Variants in GLIS3 observed in about 807,000 individuals in gnomAD.
GLIS3 encodes GLIS family zinc finger 3.
Under a neutral mutation model 78.6 loss-of-function variants are expected in GLIS3, and 53 were observed. That is an observed-to-expected ratio of 0.67 (90% CI 0.54 to 0.85). The LOEUF (loss-of-function observed/expected upper bound fraction) is 0.85, where lower values mean the gene tolerates loss of function less well. GLIS3 is among the 40% of genes least tolerant of loss of function. The pLI, the probability that GLIS3 is intolerant of heterozygous loss-of-function variation, is 0.00. For missense variants in GLIS3, 1,703 were observed against 1,231.1 expected (o/e 1.38, Z -5.74); for synonymous variants, 684 against 509.9 (o/e 1.34, Z -4.60).
intron 2 of GLIS3, among the ~76,000 whole-genome samples, chr9:4,195,392 G>A (rs10974385): frequency 0.26 from 40,016 of 152,156 alleles, 6,682 homozygotes; most frequent in South Asian, 0.48. Flanking sequence ...CACACTCGGA[G>A]AGGCCAGCCG....
At chr9:4,215,307 TGAGAG>T (rs1426748036) in intron 2 of GLIS3, among the ~76,000 whole-genome samples, 1 of 146,752 alleles carries the variant, frequency 6.8e-6, no homozygotes, top group Non-Finnish European at 1.5e-5. Flanking sequence ...AGGGGAGAGA[TGAGAG>T]GAGTGTGTGT....
chr9:4,040,253 T>C (rs978037122), intron 4 of GLIS3, among the ~76,000 whole-genome samples: 2 of 150,328 alleles, frequency 1.3e-5, no homozygotes, highest in Non-Finnish European at 2.9e-5. Flanking sequence ...TTAAATAATA[T>C]GTCTGAATTA....
At position 4,220,849 on chromosome 9, in the gene GLIS3, G is replaced by A. The variant is rs115796563; in HGVS notation, c.388+65189C>T. Among the ~76,000 whole-genome samples, 800 of 152,206 alleles carry A rather than the reference G, an allele frequency of 5.3e-3. 15 individuals carry two copies. Among genetic ancestry groups the A allele is most frequent in the African/African-American group, 0.019 (775 of 41,520 alleles). On this transcript the variant is annotated intron_variant, in intron 2 of 10. Coordinates refer to ENST00000381971, the MANE Select transcript of GLIS3 (RefSeq NM_001042413.2). ...ATGTGTCTCAAATTAACCAGGCATG[G>A]AGGTATGGACCTGTAATCCCAGCTA...
intron 4 of GLIS3, among the ~76,000 whole-genome samples, chr9:3,959,972 T>A (rs928511030): frequency 6.6e-6 from 1 of 152,122 alleles, no homozygotes; most frequent in African/African-American, 2.4e-5. Context: ...GCCAACATGG[T>A]GAAACCTCAT....
the GLIS3 span, among the ~76,000 whole-genome samples, chr9:4,381,169 A>G: frequency 2.0e-5 from 3 of 152,230 alleles, no homozygotes; most frequent in Admixed American, 6.5e-5. Context: ...TTTTAAGAAA[A>G]TGACATACAA....
intron 9 of GLIS3, among the ~76,000 whole-genome samples, chr9:3,833,454 C>A (rs903520958): frequency 1.3e-5 from 2 of 152,176 alleles, no homozygotes; most frequent in Non-Finnish European, 2.9e-5. Flanking sequence ...TTGGATTTCA[C>A]ATAGCAAATT....
intron 2 of GLIS3, among the ~76,000 whole-genome samples, chr9:4,131,065 G>GA (rs1564094766): frequency 1.3e-5 from 2 of 152,164 alleles, no homozygotes; most frequent in African/African-American, 4.8e-5. Flanking sequence ...ACTGCCCTAG[G>GA]GGGGGTTGGG....
intron 4 of GLIS3, among the ~76,000 whole-genome samples, chr9:3,983,799 CTGT>C (rs1345497366): frequency 6.6e-6 from 1 of 152,108 alleles, no homozygotes; most frequent in Non-Finnish European, 1.5e-5. Context: ...GACTTGGGTG[CTGT>C]TAAGGGCATT....
intron 6 of GLIS3, among the ~76,000 whole-genome samples, chr9:3,910,466 C>T (rs949942903): frequency 3.3e-5 from 5 of 152,234 alleles, no homozygotes; most frequent in Non-Finnish European, 7.3e-5. Context: ...CCTCTTGCTT[C>T]AGCCTCCTAA....
Position 4,118,491 on chromosome 9 carries a change from G to C in GLIS3, c.987C>G (p.Ala329=), listed in dbSNP as rs771033004. 6 of 1,614,074 alleles carry C rather than the reference G, an allele frequency of 3.7e-6. No homozygotes were observed. Among genetic ancestry groups the C allele is most frequent in the Non-Finnish European group, 5.1e-6 (6 of 1,180,036 alleles). ...IIRTSPTSLV[A]YINGSRASPA... is the part of the protein sequence containing the mutation. The stretch of plus-strand genomic sequence containing the variant: ...GCGAAGCCCTCGACCCGTTGATGTA[G>C]GCCACCAAGGACGTGGGCGACGTGC... The change falls in exon 4 of 11, where the codon GCC becomes GCG. Residue 329 remains alanine (A), a synonymous_variant. Transcript: ENST00000381971. The surrounding 1 kb of genome is among the most constrained non-coding windows in gnomAD (Gnocchi z 4.7).
intron 9 of GLIS3, among the ~76,000 whole-genome samples, chr9:3,836,940 A>C (rs533799263): frequency 5.9e-5 from 9 of 152,354 alleles, no homozygotes; most frequent in Admixed American, 3.3e-4. Context: ...AATGAAGGAC[A>C]ACAATCCTGG....
chr9:3,903,587 G>C (rs1449718405), intron 6 of GLIS3, among the ~76,000 whole-genome samples: 1 of 152,112 alleles, frequency 6.6e-6, no homozygotes, highest in Non-Finnish European at 1.5e-5. Flanking sequence ...TCATTCATTT[G>C]TCGAACAAAT....
the GLIS3 span, among the ~76,000 whole-genome samples, chr9:4,421,033 A>G: frequency 1.8e-4 from 27 of 152,228 alleles, no homozygotes; most frequent in African/African-American, 6.3e-4. Flanking sequence ...CACTGCTGAC[A>G]TATTAAGAAT....
rs556479965 is a variant in GLIS3, at chr9:4,206,419, A to T, written c.388+79619T>A. Among the ~76,000 whole-genome samples the T allele has an allele frequency of 4.7e-4, 71 of 152,342 alleles. No individual in the cohort carries two copies. In the South Asian group the frequency reaches 0.015, roughly 31 times the overall value. On this transcript the variant is annotated intron_variant, in intron 2 of 10. Transcript: ENST00000381971. ...TAACCTTGAAAGAGGCTTATTTTCT[A>T]TTACTATTTCCAACTGAAAGTCATG...
chr9:4,298,984 C>T (rs535668900), intron 1 of GLIS3, among the ~76,000 whole-genome samples: 3 of 152,226 alleles, frequency 2.0e-5, no homozygotes, highest in Non-Finnish European at 4.4e-5. Flanking sequence ...TCAGTTCCCA[C>T]TTCGCCAAAG....
chr9:4,473,457 C>CAAAAAAAAAAA, the GLIS3 span, among the ~76,000 whole-genome samples: 2 of 60,598 alleles, frequency 3.3e-5, no homozygotes, highest in African/African-American at 8.6e-5. Flanking sequence ...ACAACAACAA[C>CAAAAAAAAAAA]AACAAAAAAA....
rs545492991 is a variant in GLIS3, at chr9:4,026,521, G to GA, written c.1711-89333dup. Among the ~76,000 whole-genome samples, 582 of 151,960 alleles carry GA rather than the reference G, an allele frequency of 3.8e-3. 4 individuals carry two copies. Among genetic ancestry groups the GA allele is most frequent in the African/African-American group, 0.013 (552 of 41,456 alleles). Reference sequence around the variant, plus strand: ...GCATTTGAGATGACCCAAAAAGGAGGAAAAAAATCTATCTATCTATCTATC... The same window carrying GA: ...GCATTTGAGATGACCCAAAAAGGAGGAAAAAAAATCTATCTATCTATCTATC... On this transcript the variant is annotated intron_variant, in intron 4 of 10. Transcript: ENST00000381971.
chr9:4,286,843 T>C (rs1408044307), intron 1 of GLIS3, among the ~76,000 whole-genome samples: 6 of 152,254 alleles, frequency 3.9e-5, no homozygotes, highest in Non-Finnish European at 8.8e-5. Context: ...CTAGAGGATC[T>C]GTCCATACTA....
At chr9:3,920,791 G>T (rs59867696) in intron 6 of GLIS3, among the ~76,000 whole-genome samples, 1 of 152,048 alleles carries the variant, frequency 6.6e-6, no homozygotes, top group Admixed American at 6.6e-5. Context: ...CAAAGTCTAC[G>T]ATGGGTAAAC....
Sources: gnomAD v4.1 joint callset for allele counts (sites outside exome capture counted in the v4.1 genomes callset) on GRCh38, gnomAD v4.1.1 for gene constraint, Gnocchi (gnomAD v3.1) non-coding constraint, MANE v1.5 for transcripts, NCBI Gene and HGNC (gene_info 2026-07-23, HGNC 2026-07-21) for gene names.